Variants in SGCZ observed in about 807,000 individuals in gnomAD.
The protein encoded by SGCZ is zeta-sarcoglycan.
In SGCZ, 40 loss-of-function variants were observed where a neutral mutation model predicts 41.3. That is an observed-to-expected ratio of 0.97 (90% confidence interval 0.75 to 1.26). The LOEUF is 1.26. SGCZ is among the 50% of genes most tolerant of loss of function. The probability of loss-of-function intolerance (pLI) is 0.00; values close to 1 mark genes in which losing one functional copy is unlikely to be tolerated. For synonymous variants in SGCZ, 206 were observed against 137.5 expected, an observed-to-expected ratio of 1.50 and a Z score of -3.49; for missense variants, 552 against 369.8, an observed-to-expected ratio of 1.49 and a Z score of -4.04.
At chr8:14,281,721 G>C (rs1385434349) in intron 3 of SGCZ, among the ~76,000 whole-genome samples, 1 of 151,932 alleles carries the variant, frequency 6.6e-6, no homozygotes, top group East Asian at 1.9e-4. Flanking sequence ...AGAACAACAA[G>C]GAATATTTGT....
chr8:15,172,961 G>T (rs991424758), intron 1 of SGCZ, among the ~76,000 whole-genome samples: 1 of 152,176 alleles, frequency 6.6e-6, no homozygotes, highest in African/African-American at 2.4e-5. Flanking sequence ...GTCATTACGA[G>T]ATTTCATTTT....
intron 5 of SGCZ, among the ~76,000 whole-genome samples, chr8:14,151,383 A>G (rs950253294): frequency 2.0e-5 from 3 of 152,092 alleles, no homozygotes; most frequent in Non-Finnish European, 2.9e-5. Flanking sequence ...AATTTATCAG[A>G]ACATTTACAG....
chr8:15,172,402 T>C (rs268392), intron 1 of SGCZ, among the ~76,000 whole-genome samples: 129,010 of 150,890 alleles, frequency 0.85, 55,180 homozygotes, highest in Middle Eastern at 0.87. Flanking sequence ...CCTCGTGATC[T>C]GCCCGTCTCG....
chr8:14,761,553 AG>A (rs1402764824), intron 1 of SGCZ, among the ~76,000 whole-genome samples: 1 of 142,544 alleles, frequency 7.0e-6, no homozygotes, highest in African/African-American at 2.6e-5. Flanking sequence ...TTTTTTTGAG[AG>A]GGAGTCTCTC....
chr8:14,688,340 T>C (rs28889653), intron 1 of SGCZ, among the ~76,000 whole-genome samples: 59,040 of 151,964 alleles, frequency 0.39, 15,298 homozygotes, highest in African/African-American at 0.75. Context: ...CTAAAGTTTA[T>C]GTCTTTAATC....
At chr8:14,115,940 T>C (rs1802509001) in intron 5 of SGCZ, among the ~76,000 whole-genome samples, 1 of 152,084 alleles carries the variant, frequency 6.6e-6, no homozygotes, top group South Asian at 2.1e-4. Context: ...AGGGAGAAAC[T>C]GTGTTTTCCA....
chr8:14,663,701 C>T (rs1379965021), intron 1 of SGCZ, among the ~76,000 whole-genome samples: 2 of 152,092 alleles, frequency 1.3e-5, no homozygotes, highest in African/African-American at 2.4e-5. Context: ...ACTGATTAAA[C>T]GATATGTCCC....
intron 2 of SGCZ, among the ~76,000 whole-genome samples, chr8:14,409,437 T>C (rs1382129992): frequency 6.6e-6 from 1 of 152,040 alleles, no homozygotes; most frequent in Non-Finnish European, 1.5e-5. Context: ...TTTGGTCAGC[T>C]TAGACACTCA....
intron 1 of SGCZ, among the ~76,000 whole-genome samples, chr8:14,806,693 T>G (rs1388804380): frequency 6.6e-6 from 1 of 152,004 alleles, no homozygotes; most frequent in African/African-American, 2.4e-5. Flanking sequence ...ACTATTACAA[T>G]CAAGAGAAAA....
Position 14,982,050 on chromosome 8 carries a change from T to C in SGCZ, c.39+255535A>G, listed in dbSNP as rs149916395. Among the ~76,000 whole-genome samples, 489 of 151,702 alleles carry C rather than the reference T, an allele frequency of 3.2e-3. 4 individuals are homozygous for C. Among genetic ancestry groups the C allele is most frequent in the African/African-American group, 0.012 (479 of 41,360 alleles). ...CTGTAATACCAGCTACTCAGGAGGC[T>C]GAGGTGGGAGGATCGCTTGAACCCA... is the stretch of plus-strand genomic sequence containing the variant. On this transcript the variant is annotated intron_variant, in intron 1 of 7. Transcript: ENST00000382080.
intron 1 of SGCZ, among the ~76,000 whole-genome samples, chr8:14,623,419 T>G (rs967907432): frequency 6.6e-6 from 1 of 152,188 alleles, no homozygotes; most frequent in African/African-American, 2.4e-5. Context: ...CATCCCGCTG[T>G]TGAACACATA....
chr8:14,152,335 G>C (rs2116954529), intron 5 of SGCZ, among the ~76,000 whole-genome samples: 1 of 152,226 alleles, frequency 6.6e-6, no homozygotes, highest in East Asian at 1.9e-4. Flanking sequence ...ATAAAAAGGT[G>C]TTCAATGTCA....
At chr8:14,878,913 GT>G (rs1228555262) in intron 1 of SGCZ, 3 of 137,222 alleles carry the variant, frequency 2.2e-5, no homozygotes, top group African/African-American at 7.9e-5. Flanking sequence ...TTACAGTTTT[GT>G]TGTTGTTGTT....
At chr8:14,972,156 G>C (rs1247315571) in intron 1 of SGCZ, among the ~76,000 whole-genome samples, 2 of 151,970 alleles carry the variant, frequency 1.3e-5, no homozygotes, top group Non-Finnish European at 2.9e-5. Context: ...AAATGATACG[G>C]AGTTTGCCTT....
intron 1 of SGCZ, among the ~76,000 whole-genome samples, chr8:14,825,215 GA>G (rs1240535983): frequency 2.6e-5 from 4 of 152,098 alleles, no homozygotes; most frequent in Non-Finnish European, 5.9e-5. Context: ...ATCCAGTAAA[GA>G]AAACCTTTTA....
chr8:14,611,873 T>G (rs1237593767), intron 1 of SGCZ, among the ~76,000 whole-genome samples: 1 of 152,204 alleles, frequency 6.6e-6, no homozygotes, highest in Non-Finnish European at 1.5e-5. Context: ...ATGCAAAAGC[T>G]TGTCACTCAT....
intron 1 of SGCZ, among the ~76,000 whole-genome samples, chr8:14,558,562 G>A (rs1238422261): frequency 1.5e-5 from 2 of 137,162 alleles, no homozygotes; most frequent in South Asian, 2.4e-4. Context: ...GTGACAGAAT[G>A]AGAATGACTC....
intron 5 of SGCZ, among the ~76,000 whole-genome samples, chr8:14,118,980 T>A (rs990840063): frequency 6.6e-6 from 1 of 152,186 alleles, no homozygotes; most frequent in East Asian, 1.9e-4. Context: ...TATTATAGTT[T>A]GAAGTCTGGT....
intron 1 of SGCZ, among the ~76,000 whole-genome samples, chr8:14,916,708 C>T (rs937591077): frequency 3.3e-5 from 5 of 152,128 alleles, no homozygotes; most frequent in African/African-American, 2.4e-5. Flanking sequence ...AATCTAGACA[C>T]GAGTAAAGTT....
Sources: allele counts gnomAD v4.1 joint callset (sites outside exome capture counted in the v4.1 genomes callset), GRCh38; gene constraint gnomAD v4.1.1; transcripts MANE v1.5; gene names NCBI Gene and HGNC (gene_info 2026-07-23, HGNC 2026-07-21).